SAMD12: variants seen among roughly 807,000 people sequenced by gnomAD.
SAMD12 encodes sterile alpha motif domain-containing protein 12.
A neutral mutation model predicts 15.0 loss-of-function variants in SAMD12; 9 were observed. The observed-to-expected ratio is 0.60, with a 90% confidence interval of 0.36 to 1.05. The LOEUF (loss-of-function observed/expected upper bound fraction) is 1.05. Ranked by LOEUF, SAMD12 falls within the 50% of genes least tolerant of loss-of-function variation. The pLI, the probability that SAMD12 is intolerant of heterozygous loss-of-function variation, is 0.01. For missense variants in SAMD12, 230 were observed against 234.2 expected (o/e 0.98, Z 0.12); for synonymous variants, 86 against 90.1 (o/e 0.96, Z 0.25).
chr8:118,366,850 A>C (rs1586609724), intron 4 of SAMD12, among the ~76,000 whole-genome samples: 1 of 122,678 alleles, frequency 8.2e-6, no homozygotes, highest in East Asian at 2.2e-4. Flanking sequence ...ATAAAATAAA[A>C]TAAAATAAAA....
chr8:118,298,456 A>G lies in SAMD12; in HGVS notation c.433+81104T>C, dbSNP rs28398468. Among the ~76,000 whole-genome samples the G allele has an allele frequency of 3.3e-3, 510 of 152,344 alleles. 2 individuals carry two copies. Among genetic ancestry groups the G allele is most frequent in the African/African-American group, 0.012 (492 of 41,590 alleles). The stretch of plus-strand genomic sequence containing the variant: ...TAAAAAGATGTGAAAGAGACTGGCT[A>G]GATAATCCCAGTTGATTCTGATCCC... On this transcript the variant is annotated intron_variant, in intron 4 of 4. Transcript: ENST00000409003.
chr8:118,305,014 T>C (rs749648953), intron 4 of SAMD12, among the ~76,000 whole-genome samples: 20 of 148,026 alleles, frequency 1.4e-4, no homozygotes, highest in Non-Finnish European at 3.0e-4. Flanking sequence ...ACAGGTGTGG[T>C]GGTGGGCGCC....
intron 2 of SAMD12, among the ~76,000 whole-genome samples, chr8:118,471,398 T>C (rs1390639668): frequency 1.3e-5 from 2 of 152,212 alleles, no homozygotes; most frequent in African/African-American, 4.8e-5. Context: ...TTTCATCGTG[T>C]ACTCCATTGC....
intron 2 of SAMD12, among the ~76,000 whole-genome samples, chr8:118,483,604 T>C (rs1240890958): frequency 6.6e-6 from 1 of 152,196 alleles, no homozygotes; most frequent in Non-Finnish European, 1.5e-5. Flanking sequence ...ACAATGCATA[T>C]ATAGATCACT....
intron 2 of SAMD12, among the ~76,000 whole-genome samples, chr8:118,562,476 G>A (rs1214330988): frequency 1.3e-5 from 2 of 152,106 alleles, no homozygotes; most frequent in Non-Finnish European, 2.9e-5. Context: ...AGGAAACCAG[G>A]TTACAGCAGC....
At chr8:118,482,490 T>G (rs1283778951) in intron 2 of SAMD12, among the ~76,000 whole-genome samples, 1 of 152,130 alleles carries the variant, frequency 6.6e-6, no homozygotes, top group East Asian at 1.9e-4. Flanking sequence ...GTGTCTGTAC[T>G]AAGTATGTAC....
At chr8:118,611,181 T>C (rs1303585729) in intron 1 of SAMD12, among the ~76,000 whole-genome samples, 1 of 152,194 alleles carries the variant, frequency 6.6e-6, no homozygotes. Context: ...TCAGTGTACT[T>C]CTAACTGATG....
At chr8:118,605,022 C>T (rs1053221390) in intron 1 of SAMD12, among the ~76,000 whole-genome samples, 1 of 152,070 alleles carries the variant, frequency 6.6e-6, no homozygotes, top group African/African-American at 2.4e-5. Context: ...TAAAGATAGA[C>T]GAGCATAGGT....
chr8:118,484,976 A>G (rs1305078200), intron 2 of SAMD12, among the ~76,000 whole-genome samples: 1 of 152,162 alleles, frequency 6.6e-6, no homozygotes, highest in Non-Finnish European at 1.5e-5. Flanking sequence ...GATCTACCCA[A>G]TGATGCTTGT....
At chr8:118,367,651 G>C (rs946257815) in intron 4 of SAMD12, among the ~76,000 whole-genome samples, 3 of 152,036 alleles carry the variant, frequency 2.0e-5, no homozygotes, top group African/African-American at 7.2e-5. Flanking sequence ...GTTCTGCAGG[G>C]GCAGACATGA....
chr8:118,322,061 G>T (rs1202201189), intron 4 of SAMD12, among the ~76,000 whole-genome samples: 1 of 151,826 alleles, frequency 6.6e-6, no homozygotes, highest in Non-Finnish European at 1.5e-5. Context: ...CACCCTTTGG[G>T]ACTCAGCTTA....
intron 2 of SAMD12, among the ~76,000 whole-genome samples, chr8:118,526,012 C>A (rs755576651): frequency 4.6e-5 from 7 of 152,154 alleles, no homozygotes; most frequent in Non-Finnish European, 8.8e-5. Flanking sequence ...TGTTTTACTT[C>A]TCTGTGTCCT....
chr8:118,259,490 C>G (rs1467377364), intron 4 of SAMD12, among the ~76,000 whole-genome samples: 1 of 152,094 alleles, frequency 6.6e-6, no homozygotes, highest in East Asian at 1.9e-4. Context: ...AAAGAAGTCT[C>G]TGACCCTAAG....
chr8:118,556,927 A>G (rs1202738080), intron 2 of SAMD12, among the ~76,000 whole-genome samples: 1 of 151,716 alleles, frequency 6.6e-6, no homozygotes. Context: ...TCATGCCACC[A>G]CACTCCAGCC....
chr8:118,531,672 T>C lies in SAMD12; in HGVS notation c.192+49043A>G, dbSNP rs1053531095. On this transcript the variant is annotated intron_variant, in intron 2 of 3. Coordinates refer to ENST00000314727, the MANE Select transcript of SAMD12 (RefSeq NM_207506.3). ...CTTGTAAGTTGGATTCTTAGGTATC[T>C]TATTCTCTTTGAAGCAATTGTGAAT... is the stretch of plus-strand genomic sequence containing the variant. 1.4e-4 allele frequency among the ~76,000 whole-genome samples: 21 copies of C among 152,222 alleles called. 1 individual carries two copies. Among genetic ancestry groups the C allele is most frequent in the Non-Finnish European group, 5.9e-5 (4 of 68,048 alleles).
At chr8:118,215,547 G>C (rs545450453) in intron 4 of SAMD12, among the ~76,000 whole-genome samples, 102 of 151,934 alleles carry the variant, frequency 6.7e-4, no homozygotes, top group African/African-American at 2.3e-3. Context: ...ATGTGCCATG[G>C]TGGTGCGCTG....
the SAMD12 span, among the ~76,000 whole-genome samples, chr8:118,137,150 G>T: frequency 6.6e-6 from 1 of 152,202 alleles, no homozygotes; most frequent in Non-Finnish European, 1.5e-5. Flanking sequence ...CCCCCTAGTG[G>T]TTTCCCATTG....
At chr8:118,237,335 T>C (rs1201702044) in intron 4 of SAMD12, among the ~76,000 whole-genome samples, 6 of 152,210 alleles carry the variant, frequency 3.9e-5, no homozygotes, top group African/African-American at 1.2e-4. Context: ...GTAGAGCATA[T>C]TTATCAGCCC....
At chr8:118,533,270 T>C (rs892409268) in intron 2 of SAMD12, among the ~76,000 whole-genome samples, 1 of 152,250 alleles carries the variant, frequency 6.6e-6, no homozygotes, top group African/African-American at 2.4e-5. Context: ...TTCTTAATCC[T>C]GAGTTCTAGT....
Sources: gnomAD v4.1 joint callset for allele counts (sites outside exome capture counted in the v4.1 genomes callset) on GRCh38, gnomAD v4.1.1 for gene constraint, MANE v1.5 for transcripts, NCBI Gene and HGNC (gene_info 2026-07-23, HGNC 2026-07-21) for gene names.